Variants in HHIP observed in about 807,000 individuals in gnomAD.
HHIP encodes hedgehog-interacting protein.
A neutral mutation model predicts 74.0 loss-of-function variants in HHIP; 12 were observed. The observed-to-expected ratio is 0.16, with a 90% confidence interval of 0.10 to 0.26. The LOEUF is 0.26. Ranked by LOEUF, HHIP falls within the 10% of genes least tolerant of loss-of-function variation. HHIP has a pLI of 1.00. For missense variants in HHIP, 788 were observed against 845.0 expected (o/e 0.93, Z 0.84); for synonymous variants, 309 against 311.6 (o/e 0.99, Z 0.09).
intron 10 of HHIP, among the ~76,000 whole-genome samples, chr4:144,718,627 A>G (rs1474545934): frequency 6.6e-6 from 1 of 152,176 alleles, no homozygotes. Flanking sequence ...AGCTGTTGCC[A>G]TAATCTAGAT....
intron 11 of HHIP, among the ~76,000 whole-genome samples, chr4:144,729,184 T>A (rs760456163): frequency 6.6e-6 from 1 of 152,186 alleles, no homozygotes; most frequent in Non-Finnish European, 1.5e-5. Context: ...TAAAAATTTA[T>A]CCCATCATAA....
intron 4 of HHIP, among the ~76,000 whole-genome samples, chr4:144,698,263 G>C (rs1729877683): frequency 6.6e-6 from 1 of 152,146 alleles, no homozygotes; most frequent in Non-Finnish European, 1.5e-5. Flanking sequence ...AACAGCATTT[G>C]AAAATTGTAT....
At chr4:144,664,814 T>C (rs1246477510) in intron 4 of HHIP, among the ~76,000 whole-genome samples, 4 of 152,244 alleles carry the variant, frequency 2.6e-5, no homozygotes, top group African/African-American at 4.8e-5. Flanking sequence ...CATTTTTGTA[T>C]ACTGAATGGC....
intron 4 of HHIP, among the ~76,000 whole-genome samples, chr4:144,706,156 G>A (rs1268991659): frequency 1.3e-5 from 2 of 152,230 alleles, no homozygotes; most frequent in African/African-American, 4.8e-5. Flanking sequence ...AGAAGTGACT[G>A]TTGATTATGA....
chr4:144,680,347 T>A (rs1308709457), intron 4 of HHIP, among the ~76,000 whole-genome samples: 1 of 152,226 alleles, frequency 6.6e-6, no homozygotes, highest in African/African-American at 2.4e-5. Flanking sequence ...TTCACCACCT[T>A]GACCCCTTGT....
At chr4:144,721,674 G>T (rs534259955) in intron 11 of HHIP, among the ~76,000 whole-genome samples, 1 of 152,002 alleles carries the variant, frequency 6.6e-6, no homozygotes, top group African/African-American at 2.4e-5. Flanking sequence ...GCCAAGGTGG[G>T]TGGATCACCT....
intron 4 of HHIP, among the ~76,000 whole-genome samples, chr4:144,660,819 C>A (rs1399890105): frequency 6.6e-6 from 1 of 152,054 alleles, no homozygotes; most frequent in Non-Finnish European, 1.5e-5. Flanking sequence ...TATTCATGTA[C>A]ATTTTACTTA....
chr4:144,659,085 G>A (rs1230140692), intron 3 of HHIP, 139 bp downstream of exon 3: 1 of 621,378 alleles, frequency 1.6e-6, no homozygotes. Context: ...CTCTGTGGTA[G>A]TTTGTTTCTC....
rs1397000886 is a variant in HHIP at position 144,662,269 on chromosome 4, A to G, written c.831+2431A>G. Among the ~76,000 whole-genome samples, 13 of 152,192 alleles carry G rather than the reference A, an allele frequency of 8.5e-5. 1 individual carries two copies. In the East Asian group the frequency reaches 9.6e-4, roughly 11 times the overall value. On this transcript the variant is annotated intron_variant, in intron 4 of 12. Transcript: ENST00000296575. Reference sequence around the variant, plus strand: ...TAAACCTCTACCAACTCTGATTCTTATAAGTGCTTGAGAGGGATGCCATCA... The same window carrying G: ...TAAACCTCTACCAACTCTGATTCTTGTAAGTGCTTGAGAGGGATGCCATCA...
intron 4 of HHIP, among the ~76,000 whole-genome samples, chr4:144,679,176 C>T (rs1011649634): frequency 1.1e-4 from 17 of 152,054 alleles, no homozygotes; most frequent in East Asian, 3.8e-4. Flanking sequence ...GCATAAATGC[C>T]TTCTTTTGAG....
At chr4:144,682,687 CTA>C (rs1369379764) in intron 4 of HHIP, among the ~76,000 whole-genome samples, 5 of 152,226 alleles carry the variant, frequency 3.3e-5, no homozygotes, top group East Asian at 3.8e-4. Flanking sequence ...AACACCATCT[CTA>C]TGTGTCAAAC....
intron 11 of HHIP, among the ~76,000 whole-genome samples, chr4:144,722,894 A>G (rs1269418022): frequency 2.6e-5 from 4 of 152,124 alleles, no homozygotes; most frequent in Non-Finnish European, 5.9e-5. Flanking sequence ...TTTTCAAATT[A>G]TACCTTGGAT....
At chr4:144,719,986 T>C (rs1476436027) in intron 11 of HHIP, among the ~76,000 whole-genome samples, 1 of 152,214 alleles carries the variant, frequency 6.6e-6, no homozygotes, top group Non-Finnish European at 1.5e-5. Context: ...AACGCTTTTC[T>C]GAGGGAAATG....
chr4:144,738,662 A>G lies in HHIP; in HGVS notation c.*705A>G. 6 of 679,080 alleles carry G rather than the reference A, an allele frequency of 8.8e-6. No individual in the cohort carries two copies. Among genetic ancestry groups the G allele is most frequent in the Non-Finnish European group, 9.1e-6 (5 of 550,568 alleles). The allele number at this position is 679,080 out of a possible 1,614,324, so 42.1% of individuals were successfully genotyped here. A position where few individuals can be genotyped will look rare whatever the true frequency, so the allele number is the denominator to read the frequency against. ...CTTTTATTGTATATTTTATTTAACA[A>G]TAGGCACTGGGTTTGTGTTACATAT... On this transcript the variant is annotated 3_prime_UTR_variant, in exon 13 of 13. Coordinates refer to ENST00000296575, the MANE Select transcript of HHIP (RefSeq NM_022475.3).
At chr4:144,669,572 T>C (rs1728974102) in intron 4 of HHIP, among the ~76,000 whole-genome samples, 1 of 152,180 alleles carries the variant, frequency 6.6e-6, no homozygotes, top group South Asian at 2.1e-4. Context: ...TAACAACTTG[T>C]TTAAGATAAA....
intron 2 of HHIP, among the ~76,000 whole-genome samples, chr4:144,655,739 T>C (rs970199311): frequency 4.7e-5 from 6 of 127,478 alleles, no homozygotes; most frequent in Non-Finnish European, 1.0e-4. Flanking sequence ...GTCTTACTCA[T>C]GAAGAGTCAG....
At chr4:144,736,289 C>T (rs886365020) in intron 12 of HHIP, among the ~76,000 whole-genome samples, 18 of 152,028 alleles carry the variant, frequency 1.2e-4, no homozygotes, top group African/African-American at 3.1e-4. Context: ...GCGCCCACCA[C>T]CATGCCCTCC....
chr4:144,697,649 G>A (rs1473991185), intron 4 of HHIP, among the ~76,000 whole-genome samples: 1 of 151,868 alleles, frequency 6.6e-6, no homozygotes, highest in African/African-American at 2.4e-5. Flanking sequence ...GCCTGGGGAG[G>A]AAATAGTAAT....
chr4:144,666,155 A>G (rs1463400598), intron 4 of HHIP, among the ~76,000 whole-genome samples: 3 of 152,178 alleles, frequency 2.0e-5, no homozygotes, highest in Admixed American at 2.0e-4. Flanking sequence ...TCATAAAAAG[A>G]AAATATCAAA....
Sources: gnomAD v4.1 joint callset for allele counts (sites outside exome capture counted in the v4.1 genomes callset) on GRCh38, gnomAD v4.1.1 for gene constraint, MANE v1.5 for transcripts, NCBI Gene and HGNC (gene_info 2026-07-23, HGNC 2026-07-21) for gene names.